Variants in HSD17B12 observed in about 807,000 individuals in gnomAD.
The protein encoded by HSD17B12 is hydroxysteroid 17-beta dehydrogenase 12.
HSD17B12 carries 32 observed loss-of-function variants against 39.3 expected under a neutral mutation model. The observed-to-expected ratio is 0.81, with a 90% confidence interval of 0.61 to 1.09. The LOEUF (loss-of-function observed/expected upper bound fraction) is 1.09, where lower values mean the gene tolerates loss of function less well. Ranked by LOEUF, HSD17B12 falls within the 50% of genes least tolerant of loss-of-function variation. The pLI is 0.00. For synonymous variants in HSD17B12, 150 were observed against 146.7 expected (o/e 1.02, Z -0.16); for missense variants, 342 against 382.9 (o/e 0.89, Z 0.89).
chr11:43,672,702 G>C, the HSD17B12 span, among the ~76,000 whole-genome samples: 1 of 151,868 alleles, frequency 6.6e-6, no homozygotes, highest in Non-Finnish European at 1.5e-5. Flanking sequence ...CACCACACCC[G>C]GCTCATTTTT....
the HSD17B12 span, among the ~76,000 whole-genome samples, chr11:43,573,880 A>G: frequency 2.0e-5 from 3 of 152,174 alleles, no homozygotes; most frequent in East Asian, 5.8e-4. Context: ...AGGAGACTTT[A>G]TTGAAACACT....
chr11:43,718,059 C>T (rs546439729), intron 1 of HSD17B12, among the ~76,000 whole-genome samples: 1 of 152,276 alleles, frequency 6.6e-6, no homozygotes, highest in East Asian at 1.9e-4. Flanking sequence ...CCCGCCTTGG[C>T]CTCCCGAAGT....
chr11:43,621,178 A>G, the HSD17B12 span, among the ~76,000 whole-genome samples: 42 of 152,344 alleles, frequency 2.8e-4, no homozygotes, highest in African/African-American at 9.4e-4. Context: ...GACAGAGTCA[A>G]GCAACTGACA....
intron 3 of HSD17B12, among the ~76,000 whole-genome samples, chr11:43,779,486 A>G (rs1003220181): frequency 7.9e-5 from 12 of 152,200 alleles, no homozygotes; most frequent in African/African-American, 2.7e-4. Flanking sequence ...TACTATGACC[A>G]TGGATTAGTC....
At chr11:43,718,353 G>T (rs116166379) in intron 1 of HSD17B12, among the ~76,000 whole-genome samples, 1 of 152,072 alleles carries the variant, frequency 6.6e-6, no homozygotes, top group Admixed American at 6.6e-5. Flanking sequence ...TCCCATTATG[G>T]CATCAACCTG....
chr11:43,786,841 A>G (rs146048415), intron 3 of HSD17B12, among the ~76,000 whole-genome samples: 19 of 152,336 alleles, frequency 1.2e-4, no homozygotes, highest in African/African-American at 4.6e-4. Flanking sequence ...TCAGAAATTG[A>G]TAACTGTATT....
intron 4 of HSD17B12, among the ~76,000 whole-genome samples, chr11:43,814,216 A>G (rs1951100193): frequency 6.6e-6 from 1 of 151,798 alleles, no homozygotes; most frequent in Non-Finnish European, 1.5e-5. Context: ...AGGTTTTAAC[A>G]TAGTGGTTAA....
intron 3 of HSD17B12, among the ~76,000 whole-genome samples, chr11:43,775,854 C>T (rs1012130949): frequency 7.4e-5 from 11 of 149,314 alleles, no homozygotes; most frequent in African/African-American, 1.5e-4. Flanking sequence ...TGAGAATATG[C>T]GGTGTTTGGT....
the HSD17B12 span, among the ~76,000 whole-genome samples, chr11:43,649,682 C>T: frequency 1.3e-4 from 20 of 152,210 alleles, no homozygotes; most frequent in Admixed American, 5.2e-4. Flanking sequence ...GTCACTCTGT[C>T]ATCAGAAGGT....
chr11:43,768,364 ATTTATT>A (rs1950616127), intron 3 of HSD17B12, among the ~76,000 whole-genome samples: 1 of 152,018 alleles, frequency 6.6e-6, no homozygotes, highest in Non-Finnish European at 1.5e-5. Flanking sequence ...CCTTGTATTC[ATTTATT>A]TAGAGACAGA....
At chr11:43,572,109 C>A in the HSD17B12 span, among the ~76,000 whole-genome samples, 14 of 152,158 alleles carry the variant, frequency 9.2e-5, no homozygotes, top group Non-Finnish European at 1.6e-4. Context: ...GTTCCTAATT[C>A]TTCCCTGGAC....
At chr11:43,568,801 T>C in the HSD17B12 span, among the ~76,000 whole-genome samples, 1 of 152,178 alleles carries the variant, frequency 6.6e-6, no homozygotes, top group South Asian at 2.1e-4. Context: ...TTTAATTACA[T>C]AAAATAAAGA....
In HSD17B12 at chr11:43,798,064, A is replaced by G. The variant is rs183327216; in HGVS notation, c.284-256A>G. ...AAAGTAGTTTTCATTATTGATTTAC[A>G]AAAGAAGAACTGATTAAGGAACATT... On this transcript the variant is annotated intron_variant, in intron 3 of 10. Coordinates refer to ENST00000278353, the MANE Select transcript of HSD17B12 (RefSeq NM_016142.3). 2.7e-3 allele frequency among the ~76,000 whole-genome samples: 413 copies of G among 152,342 alleles called. 3 individuals are homozygous for G. The highest frequency in any genetic ancestry group is 9.5e-3 in the African/African-American group (396 of 41,566).
chr11:43,765,474 G>GTT (rs755490551), intron 3 of HSD17B12, among the ~76,000 whole-genome samples: 1 of 143,822 alleles, frequency 7.0e-6, no homozygotes, highest in Non-Finnish European at 1.5e-5. Flanking sequence ...TATCACTTAA[G>GTT]TTTTTTTTTT....
chr11:43,780,813 C>T (rs761520122), intron 3 of HSD17B12, among the ~76,000 whole-genome samples: 1 of 152,186 alleles, frequency 6.6e-6, no homozygotes, highest in Non-Finnish European at 1.5e-5. Context: ...TCAAATTCTT[C>T]CTGCACCTTT....
At chr11:43,658,720 C>A in the HSD17B12 span, among the ~76,000 whole-genome samples, 1 of 152,300 alleles carries the variant, frequency 6.6e-6, no homozygotes, top group Middle Eastern at 3.4e-3. Context: ...TATGGGTGAA[C>A]CACAAATGCT....
chr11:43,662,551 C>T, the HSD17B12 span, among the ~76,000 whole-genome samples: 1 of 151,802 alleles, frequency 6.6e-6, no homozygotes, highest in East Asian at 1.9e-4. Flanking sequence ...GAAAAATCTT[C>T]CTCATTAGAT....
the HSD17B12 span, among the ~76,000 whole-genome samples, chr11:43,601,620 ACT>A: frequency 6.6e-6 from 1 of 151,730 alleles, no homozygotes; most frequent in African/African-American, 2.4e-5. Context: ...CAGAGTTCAC[ACT>A]GTCTGGTTTG....
chr11:43,804,921 C>G (rs1951004346), intron 4 of HSD17B12, among the ~76,000 whole-genome samples: 1 of 152,108 alleles, frequency 6.6e-6, no homozygotes, highest in Non-Finnish European at 1.5e-5. Context: ...AAATGGCAAA[C>G]TCCTAGTTAA....
Sources: gnomAD v4.1 joint callset for allele counts (sites outside exome capture counted in the v4.1 genomes callset) on GRCh38, gnomAD v4.1.1 for gene constraint, MANE v1.5 for transcripts, NCBI Gene and HGNC (gene_info 2026-07-23, HGNC 2026-07-21) for gene names.